Variants in ANKRD44 observed in about 807,000 individuals in gnomAD.
ANKRD44 encodes the protein ankyrin repeat domain 44.
ANKRD44 carries 35 observed loss-of-function variants against 116.0 expected under a neutral mutation model. The observed-to-expected ratio is 0.30, with a 90% CI of 0.23 to 0.40. ANKRD44 has a LOEUF of 0.40. ANKRD44 is among the 10% of genes least tolerant of loss of function. ANKRD44 has a pLI of 1.00. For synonymous variants in ANKRD44, 435 were observed against 461.8 expected (o/e 0.94, Z 0.74); for missense variants, 1,014 against 1,242.6 (o/e 0.82, Z 2.77).
chr2:197,097,840 AGT>A (rs1386966498), intron 10 of ANKRD44, among the ~76,000 whole-genome samples: 1 of 152,234 alleles, frequency 6.6e-6, no homozygotes, highest in African/African-American at 2.4e-5. Flanking sequence ...AATGACTCAG[AGT>A]GGAATGTAAT....
chr2:197,221,896 G>A (rs2081593725), intron 1 of ANKRD44, among the ~76,000 whole-genome samples: 1 of 152,168 alleles, frequency 6.6e-6, no homozygotes, highest in Admixed American at 6.5e-5. Context: ...GGGTGGGAAG[G>A]CTGGGCTCTG....
chr2:197,038,474 A>C (rs2076847942), intron 16 of ANKRD44, among the ~76,000 whole-genome samples: 1 of 152,228 alleles, frequency 6.6e-6, no homozygotes. Context: ...TCTAAACCAC[A>C]GTGTCAGTTT....
intron 10 of ANKRD44, among the ~76,000 whole-genome samples, chr2:197,090,848 A>G (rs924386554): frequency 5.9e-5 from 9 of 152,312 alleles, no homozygotes; most frequent in Admixed American, 2.0e-4. Flanking sequence ...TCAGAGGAGA[A>G]TCTGGCCAGA....
chr2:197,194,567 C>T (rs1574247492), intron 1 of ANKRD44, among the ~76,000 whole-genome samples: 1 of 152,102 alleles, frequency 6.6e-6, no homozygotes, highest in Non-Finnish European at 1.5e-5. Flanking sequence ...CTTTCTCTCA[C>T]ATGTAATATA....
Position 197,118,650 on chromosome 2 carries a change from A to G in ANKRD44, c.906+2682T>C, listed in dbSNP as rs568630847. Among the ~76,000 whole-genome samples, 1,162 of 150,306 alleles carry G rather than the reference A, an allele frequency of 7.7e-3. 22 individuals are homozygous for G. Among genetic ancestry groups the G allele is most frequent in the African/African-American group, 0.026 (1,054 of 40,788 alleles). On this transcript the variant is annotated intron_variant, in intron 8 of 27. Coordinates refer to ENST00000282272, the MANE Select transcript of ANKRD44 (RefSeq NM_001195144.2). ...GAGAGAGAGAGAGAGAAAGAAAGAA[A>G]GAAAGAAAGAAAGAAAGAAAGAAAG...
At chr2:197,097,780 A>G (rs917960926) in intron 10 of ANKRD44, among the ~76,000 whole-genome samples, 6 of 152,228 alleles carry the variant, frequency 3.9e-5, no homozygotes. Flanking sequence ...AAATGGGATC[A>G]TTAGACACAA....
intron 1 of ANKRD44, among the ~76,000 whole-genome samples, chr2:197,284,501 C>G (rs915559547): frequency 9.1e-6 from 1 of 109,454 alleles, no homozygotes; most frequent in African/African-American, 3.6e-5. Flanking sequence ...AACAGAGAGT[C>G]AAACACACAC....
At position 197,146,956 on chromosome 2, in the gene ANKRD44, GT is replaced by G. The variant is rs1401515240; in HGVS notation, c.190+70del. The G allele has an allele frequency of 3.3e-5, 46 of 1,375,948 alleles. No homozygotes were observed. The African/African-American group carries it at 5.6e-4, about 17-fold the overall frequency. 85.2% of individuals were successfully genotyped at this position (1,375,948 alleles called of 1,614,324 possible). On this transcript the variant is annotated intron_variant, in intron 3 of 27. Transcript: ENST00000282272. ...AGGAATTTTGCTTGGGTTCACTGTA[GT>G]AGTCAATCTAGTAAATTGGTTATTT...
At chr2:197,122,096 G>A (rs1013152796) in intron 7 of ANKRD44, among the ~76,000 whole-genome samples, 3 of 152,080 alleles carry the variant, frequency 2.0e-5, no homozygotes, top group African/African-American at 4.8e-5. Flanking sequence ...TTTCGTCCAC[G>A]GCTCCCTATT....
At chr2:197,182,247 T>C (rs534442224) in intron 2 of ANKRD44, among the ~76,000 whole-genome samples, 6 of 152,334 alleles carry the variant, frequency 3.9e-5, no homozygotes, top group Admixed American at 1.3e-4. Flanking sequence ...TCTCAGAGTG[T>C]ACAATGATCA....
intron 21 of ANKRD44, among the ~76,000 whole-genome samples, chr2:196,969,328 T>C (rs944724091): frequency 6.6e-5 from 10 of 152,204 alleles, no homozygotes; most frequent in African/African-American, 2.4e-4. Context: ...CCCACCCTGG[T>C]GGCAAGACCC....
chr2:197,221,846 A>G (rs1353789915), intron 1 of ANKRD44, among the ~76,000 whole-genome samples: 1 of 152,234 alleles, frequency 6.6e-6, no homozygotes, highest in African/African-American at 2.4e-5. Context: ...ACAAAAAGTC[A>G]GAGAGGCAAC....
intron 12 of ANKRD44, among the ~76,000 whole-genome samples, chr2:197,088,034 A>G (rs1306020124): frequency 3.9e-5 from 6 of 152,202 alleles, no homozygotes; most frequent in African/African-American, 1.4e-4. Flanking sequence ...GGACCAGGAA[A>G]CTGATTAAGA....
At chr2:197,296,720 C>T (rs1011822627) in intron 1 of ANKRD44, 5 of 152,112 alleles carry the variant, frequency 3.3e-5, no homozygotes, top group Admixed American at 1.3e-4. Context: ...AATTGAAATG[C>T]TTTGTTAGAA....
At chr2:196,986,538 A>C (rs1340528460), downstream of ANKRD44, 9 of 240,260 alleles carry the variant, frequency 3.7e-5, no homozygotes, top group African/African-American at 1.9e-4. Flanking sequence ...TAAATCGTGA[A>C]TCTGGAGATA....
intron 1 of ANKRD44, among the ~76,000 whole-genome samples, chr2:197,188,450 G>A (rs752383199): frequency 6.6e-6 from 1 of 152,202 alleles, no homozygotes; most frequent in Non-Finnish European, 1.5e-5. Flanking sequence ...GAGGAACAGT[G>A]GCAGGCTTTA....
At chr2:197,133,960 T>C (rs1358821646) in intron 4 of ANKRD44, 2 of 138,958 alleles carry the variant, frequency 1.4e-5, no homozygotes, top group African/African-American at 5.2e-5. Context: ...TTTTTTTTTT[T>C]TTTTTTTTTT....
intron 2 of ANKRD44, among the ~76,000 whole-genome samples, chr2:197,177,608 G>A (rs936012735): frequency 2.0e-4 from 30 of 152,018 alleles, no homozygotes; most frequent in Admixed American, 4.6e-4. Flanking sequence ...GTGTGTGTGT[G>A]TATATATTTA....
chr2:197,129,700 A>G (rs976140790), intron 4 of ANKRD44, among the ~76,000 whole-genome samples: 2 of 152,338 alleles, frequency 1.3e-5, no homozygotes, highest in South Asian at 2.1e-4. Context: ...AGGCCACTTC[A>G]ACCTTGAAAT....
Sources: gnomAD v4.1 joint callset for allele counts (sites outside exome capture counted in the v4.1 genomes callset) on GRCh38, gnomAD v4.1.1 for gene constraint, MANE v1.5 for transcripts, NCBI Gene and HGNC (gene_info 2026-07-23, HGNC 2026-07-21) for gene names.